Variants in SLC2A9 observed in about 807,000 individuals in gnomAD.
SLC2A9 encodes the protein solute carrier family 2 member 9, also known as solute carrier family 2, facilitated glucose transporter member 9.
Under a neutral mutation model 50.6 loss-of-function variants are expected in SLC2A9, and 39 were observed. The observed-to-expected ratio is 0.77, with a 90% CI of 0.60 to 1.01. The LOEUF (loss-of-function observed/expected upper bound fraction) is 1.01, where lower values mean the gene tolerates loss of function less well. Among genes scored for constraint, SLC2A9 ranks in the 50% least tolerant of loss-of-function variants. The pLI is 0.00. For missense variants in SLC2A9, 686 were observed against 677.6 expected, an observed-to-expected ratio of 1.01 and a Z score of -0.14; for synonymous variants, 324 against 276.9, an observed-to-expected ratio of 1.17 and a Z score of -1.69.
At chr4:9,977,989 C>T (rs965706182) in intron 5 of SLC2A9, among the ~76,000 whole-genome samples, 4 of 152,184 alleles carry the variant, frequency 2.6e-5, no homozygotes, top group East Asian at 1.9e-4. Context: ...CATCGACTGG[C>T]GGGACAAGAT....
At position 9,998,627 on chromosome 4, in the gene SLC2A9, C is replaced by T. The variant is rs562429909; in HGVS notation, c.250-1686G>A. ...AATGGAAGATGCCTGTAGCCTACAA[C>T]TCAGCAAATCTACTTCTAGAAAACT... is the stretch of plus-strand genomic sequence containing the variant. On this transcript the variant is annotated intron_variant, in intron 2 of 11. Transcript: ENST00000264784. Among the ~76,000 whole-genome samples, 5 of 152,264 alleles carry T rather than the reference C, an allele frequency of 3.3e-5. No individual in the cohort carries two copies. In the East Asian group the frequency reaches 7.7e-4, roughly 24 times the overall value.
chr4:9,926,233 A>G (rs1326868759), intron 6 of SLC2A9, among the ~76,000 whole-genome samples: 1 of 141,726 alleles, frequency 7.1e-6, no homozygotes, highest in Admixed American at 6.9e-5. Flanking sequence ...CTCAGGGCCA[A>G]TGGGTGCTCA....
chr4:9,921,692 C>T (rs1743986290), intron 6 of SLC2A9, among the ~76,000 whole-genome samples: 1 of 152,174 alleles, frequency 6.6e-6, no homozygotes, highest in South Asian at 2.1e-4. Context: ...TTTTTATGAA[C>T]TATAATTTAA....
chr4:10,017,304 C>A (rs915059834), intron 2 of SLC2A9, among the ~76,000 whole-genome samples: 2 of 152,218 alleles, frequency 1.3e-5, no homozygotes, highest in African/African-American at 2.4e-5. Flanking sequence ...GGTTCTCCCC[C>A]ACCTCTCACC....
intron 3 of SLC2A9, among the ~76,000 whole-genome samples, chr4:9,988,441 TG>T (rs1757122485): frequency 6.6e-6 from 1 of 152,258 alleles, no homozygotes; most frequent in African/African-American, 2.4e-5. Context: ...GCACACTCTC[TG>T]GGCAAGTTTA....
upstream of SLC2A9, among the ~76,000 whole-genome samples, chr4:10,022,360 A>G (rs775770971): frequency 3.3e-5 from 5 of 152,248 alleles, no homozygotes; most frequent in Non-Finnish European, 7.3e-5. Context: ...TTTGGAAGAA[A>G]AAGAATTTGC....
chr4:9,811,972 C>T (rs1347221061), intron 3 of SLC2A9, among the ~76,000 whole-genome samples: 1 of 152,208 alleles, frequency 6.6e-6, no homozygotes, highest in Admixed American at 6.5e-5. Flanking sequence ...AGACACGAGC[C>T]TGCTGTACAT....
At chr4:9,783,417 T>C (rs1718790611) in intron 3 of SLC2A9, 19 of 1,613,842 alleles carry the variant, frequency 1.2e-5, no homozygotes, top group Non-Finnish European at 1.4e-5. Context: ...GAGGGGGAGA[T>C]TTCTTTAGAC....
intron 5 of SLC2A9, among the ~76,000 whole-genome samples, chr4:9,968,225 T>C (rs542350897): frequency 7.9e-5 from 12 of 152,328 alleles, no homozygotes; most frequent in African/African-American, 2.9e-4. Context: ...GTATCTTCAT[T>C]TCTCAAGGTG....
intron 5 of SLC2A9, among the ~76,000 whole-genome samples, chr4:9,948,210 C>G (rs1749554758): frequency 6.6e-6 from 1 of 152,192 alleles, no homozygotes; most frequent in African/African-American, 2.4e-5. Context: ...GGCAAGCCCT[C>G]CTCTCATTCA....
chr4:9,880,531 T>G, intron 10 of SLC2A9: 1 of 985,340 alleles, frequency 1.0e-6, no homozygotes, highest in Non-Finnish European at 1.2e-6. Flanking sequence ...GCAAAAAGTC[T>G]TGGGAGGGCT....
intron 5 of SLC2A9, among the ~76,000 whole-genome samples, chr4:9,964,855 T>C (rs1368214581): frequency 3.9e-5 from 6 of 152,196 alleles, no homozygotes; most frequent in Non-Finnish European, 4.4e-5. Flanking sequence ...GTCAGGACGT[T>C]GGTCCTACCA....
intron 1 of SLC2A9, chr4:10,034,214 T>C (rs192480638): frequency 3.9e-5 from 6 of 152,380 alleles, no homozygotes; most frequent in East Asian, 3.9e-4. Context: ...AACTGAAGCA[T>C]ACATTCAATA....
At chr4:9,821,620 C>T (rs181312749), downstream of SLC2A9, among the ~76,000 whole-genome samples, 2 of 152,072 alleles carry the variant, frequency 1.3e-5, no homozygotes, top group Non-Finnish European at 2.9e-5. Context: ...ATGCTCTGCA[C>T]ATGTACCCCA....
intron 5 of SLC2A9, among the ~76,000 whole-genome samples, chr4:9,971,062 A>G (rs1753837166): frequency 6.6e-6 from 1 of 152,166 alleles, no homozygotes; most frequent in Non-Finnish European, 1.5e-5. Context: ...GCCCCTAAAA[A>G]GGACAGAAAT....
At chr4:9,991,498 A>C (rs945289978) in intron 3 of SLC2A9, among the ~76,000 whole-genome samples, 2 of 152,096 alleles carry the variant, frequency 1.3e-5, no homozygotes, top group African/African-American at 2.4e-5. Flanking sequence ...GCCATCTTGC[A>C]CCTCCACAGA....
chr4:9,806,955 T>A (rs1722201792), intron 3 of SLC2A9, among the ~76,000 whole-genome samples: 1 of 152,172 alleles, frequency 6.6e-6, no homozygotes, highest in Admixed American at 6.5e-5. Context: ...ACTCATCGAT[T>A]TCCTCCTGAG....
downstream of SLC2A9, among the ~76,000 whole-genome samples, chr4:9,797,772 A>G (rs1023662236): frequency 6.6e-5 from 10 of 152,132 alleles, no homozygotes; most frequent in Non-Finnish European, 1.3e-4. Flanking sequence ...AACACTTAAG[A>G]CACTTTCTCC....
At chr4:9,805,221 T>C (rs1721962795) in intron 3 of SLC2A9, among the ~76,000 whole-genome samples, 1 of 151,986 alleles carries the variant, frequency 6.6e-6, no homozygotes, top group Admixed American at 6.5e-5. Context: ...GGTGCTTCAC[T>C]CCAGAACCCA....
Sources: allele counts gnomAD v4.1 joint callset (sites outside exome capture counted in the v4.1 genomes callset), GRCh38; gene constraint gnomAD v4.1.1; transcripts MANE v1.5; gene names NCBI Gene and HGNC (gene_info 2026-07-23, HGNC 2026-07-21).